The following PHKB variants were observed in gnomAD, a reference collection of about 807,000 sequenced individuals.
The protein encoded by PHKB is phosphorylase b kinase regulatory subunit beta.
A neutral mutation model predicts 152.1 loss-of-function variants in PHKB; 122 were observed. The observed-to-expected ratio is 0.80, with a 90% CI of 0.69 to 0.93. PHKB has a LOEUF of 0.93. PHKB is among the 40% of genes least tolerant of loss of function. PHKB has a pLI of 0.00. For missense variants in PHKB, 1,304 were observed against 1,328.4 expected (o/e 0.98, Z 0.29); for synonymous variants, 436 against 464.9 (o/e 0.94, Z 0.80).
At chr16:47,647,788 T>G (rs572122349) in intron 16 of PHKB, among the ~76,000 whole-genome samples, 3 of 152,290 alleles carry the variant, frequency 2.0e-5, no homozygotes, top group Non-Finnish European at 4.4e-5. Context: ...TGAGCCACCA[T>G]GCCCAGCCCA....
chr16:47,661,302 A>G (rs1567345885), intron 22 of PHKB, among the ~76,000 whole-genome samples: 1 of 152,138 alleles, frequency 6.6e-6, no homozygotes, highest in Non-Finnish European at 1.5e-5. Context: ...TCTCTTCACA[A>G]CAGTTTGCTA....
chr16:47,549,567 C>T (rs1034444249), intron 7 of PHKB, among the ~76,000 whole-genome samples: 18 of 151,930 alleles, frequency 1.2e-4, no homozygotes, highest in Admixed American at 4.6e-4. Flanking sequence ...TGGTGGCATG[C>T]GCCTGTAATC....
intron 14 of PHKB, among the ~76,000 whole-genome samples, chr16:47,625,702 T>G (rs988241388): frequency 6.6e-6 from 1 of 152,188 alleles, no homozygotes; most frequent in African/African-American, 2.4e-5. Context: ...TACCCTTTAC[T>G]TTTATTATGT....
rs13331276 is a variant in PHKB, at chr16:47,652,945, A to G, written c.1971+2024A>G. On this transcript the variant is annotated intron_variant, in intron 20 of 30. Coordinates refer to ENST00000323584, the MANE Select transcript of PHKB (RefSeq NM_000293.3). ...GGCATAAGCCACTGCAACCAACCTC[A>G]TTGTGGCTTTGATTCGCATTTCTTT... Among the ~76,000 whole-genome samples, 638 of 149,458 alleles carry G rather than the reference A, an allele frequency of 4.3e-3. 6 individuals are homozygous for G. Among genetic ancestry groups the G allele is most frequent in the African/African-American group, 0.015 (608 of 40,622 alleles).
intron 26 of PHKB, among the ~76,000 whole-genome samples, chr16:47,687,421 G>A (rs1405667432): frequency 6.6e-6 from 1 of 152,172 alleles, no homozygotes; most frequent in Non-Finnish European, 1.5e-5. Flanking sequence ...GAATGAGGAC[G>A]ATGTAAAGAA....
rs753468262 is a variant in PHKB, at chr16:47,649,080, T to G, written c.1693-20T>G. On this transcript the variant is annotated intron_variant, in intron 17 of 30. Coordinates refer to ENST00000323584, the MANE Select transcript of PHKB (RefSeq NM_000293.3). Reference sequence around the variant, plus strand: ...TGGTATGTTCTTTAGTTATTTGTTTTAAAACTTTTTCCCTTACAGATTTAT... The same window carrying G: ...TGGTATGTTCTTTAGTTATTTGTTTGAAAACTTTTTCCCTTACAGATTTAT... 2.9e-6 allele frequency: 4 copies of G among 1,385,118 alleles called. No individual in the cohort carries two copies. Among genetic ancestry groups the G allele is most frequent in the Non-Finnish European group, 4.1e-6 (4 of 971,106 alleles). The allele number at this position is 1,385,118 out of a possible 1,614,324, so 85.8% of individuals were successfully genotyped here.
In PHKB at chr16:47,663,715, G is replaced by T. The variant is rs1485993083; in HGVS notation, c.2317G>T (p.Ala773Ser). The change falls in exon 24 of 31, where the codon GCT becomes TCT. Residue 773 changes from alanine (A) to serine (S), a missense_variant. Transcript: ENST00000323584. ...SDHIERVYRR[A>S]GSQKLWLAVR... The stretch of plus-strand genomic sequence containing the variant: ...TCACATTGAGAGAGTCTATAGAAGA[G>T]CTGGCAGCCAAAAACTTTGGTTTGT... 2 of 1,610,782 alleles carry T rather than the reference G, an allele frequency of 1.2e-6. No homozygotes were observed. Among genetic ancestry groups the T allele is most frequent in the Non-Finnish European group, 1.7e-6 (2 of 1,177,072 alleles).
chr16:47,481,290 C>G (rs1969959807), intron 1 of PHKB, among the ~76,000 whole-genome samples: 3 of 152,172 alleles, frequency 2.0e-5, no homozygotes, highest in Admixed American at 2.0e-4. Flanking sequence ...TCCTGTGTAG[C>G]ACAGGGTCAT....
chr16:47,699,022 A>G, intron 30 of PHKB: 1 of 591,632 alleles, frequency 1.7e-6, no homozygotes, highest in Non-Finnish European at 3.0e-6. Flanking sequence ...GTAAATAAAA[A>G]TTATCAACAA....
At position 47,508,971 on chromosome 16, in the gene PHKB, C is replaced by T. The variant is rs576367006; in HGVS notation, c.406-2694C>T. On this transcript the variant is annotated intron_variant, in intron 4 of 30. Coordinates refer to ENST00000323584, the MANE Select transcript of PHKB (RefSeq NM_000293.3). ...AGCAACTTTAATCATTTAGTAGTTG[C>T]TTTTCCCCTGACATAGTGATTGAAT... 3.3e-5 allele frequency among the ~76,000 whole-genome samples: 5 copies of T among 152,220 alleles called. No homozygotes were observed. The East Asian group carries it at 7.7e-4, about 24-fold the overall frequency.
At chr16:47,485,764 C>T (rs867308231) in intron 1 of PHKB, among the ~76,000 whole-genome samples, 1 of 152,176 alleles carries the variant, frequency 6.6e-6, no homozygotes, top group South Asian at 2.1e-4. Context: ...GGACTACAGG[C>T]GTGTACCAGC....
intron 14 of PHKB, among the ~76,000 whole-genome samples, chr16:47,634,911 T>C (rs1972891378): frequency 6.6e-6 from 1 of 152,148 alleles, no homozygotes; most frequent in South Asian, 2.1e-4. Flanking sequence ...TTCATAAGCA[T>C]GTGCATGTGT....
At chr16:47,690,554 C>T (rs1377317337) in intron 27 of PHKB, among the ~76,000 whole-genome samples, 1 of 152,010 alleles carries the variant, frequency 6.6e-6, no homozygotes, top group East Asian at 1.9e-4. Flanking sequence ...ACCAAAATCC[C>T]AAAGGAAAAT....
At chr16:47,558,208 G>A (rs570288856) in intron 7 of PHKB, among the ~76,000 whole-genome samples, 70 of 139,580 alleles carry the variant, frequency 5.0e-4, no homozygotes, top group Non-Finnish European at 9.6e-4. Flanking sequence ...CACAGGAAGG[G>A]GAACATCACT....
intron 14 of PHKB, among the ~76,000 whole-genome samples, 197 bp from the exon 15 acceptor site, chr16:47,640,838 A>G (rs1292117674): frequency 6.6e-6 from 1 of 152,202 alleles, no homozygotes; most frequent in Non-Finnish European, 1.5e-5. Flanking sequence ...TTTGTGTTCC[A>G]TTACTCTGTC....
rs2142110329 is a variant in PHKB at position 47,696,371 on chromosome 16, T to C, written c.2896-10T>C. The C allele has an allele frequency of 2.1e-6, 3 of 1,455,364 alleles. No homozygotes were observed. The East Asian group carries it at 6.8e-5, about 33-fold the overall frequency. 90.2% of individuals were successfully genotyped at this position (1,455,364 alleles called of 1,614,324 possible). On this transcript the variant is annotated splice_polypyrimidine_tract_variant and intron_variant, in intron 28 of 30. Transcript: ENST00000323584. Reference sequence around the variant, plus strand: ...GGTTCAGCATGTTAATGTGGAGTTATTTTTTTCAGCAACCAACCCTGTCAG... The same window carrying C: ...GGTTCAGCATGTTAATGTGGAGTTACTTTTTTCAGCAACCAACCCTGTCAG...
At chr16:47,661,882 T>G in intron 23 of PHKB, 82 bp downstream of exon 23, 1 of 888,730 alleles carries the variant, frequency 1.1e-6, no homozygotes, top group Non-Finnish European at 1.9e-6. Context: ...AGCTATCCAC[T>G]AAAATGTTAC....
At chr16:47,543,951 C>G (rs1971110495) in intron 6 of PHKB, among the ~76,000 whole-genome samples, 1 of 151,988 alleles carries the variant, frequency 6.6e-6, no homozygotes, top group African/African-American at 2.4e-5. Flanking sequence ...TTATTACAAT[C>G]TATTCTATAC....
chr16:47,679,245 C>T (rs1176454143), intron 26 of PHKB, among the ~76,000 whole-genome samples: 7 of 152,122 alleles, frequency 4.6e-5, no homozygotes, highest in East Asian at 3.9e-4. Context: ...ATTGACTTGG[C>T]GATGCGGGCT....
Sources: allele counts gnomAD v4.1 joint callset (sites outside exome capture counted in the v4.1 genomes callset), GRCh38; gene constraint gnomAD v4.1.1; transcripts MANE v1.5; gene names NCBI Gene and HGNC (gene_info 2026-07-23, HGNC 2026-07-21).